The following ELAVL4 variants were observed in gnomAD, a reference collection of about 807,000 sequenced individuals.
ELAVL4 encodes ELAV like RNA binding protein 4.
ELAVL4 carries 1 observed loss-of-function variant against 35.6 expected under a neutral mutation model. The ratio of observed to expected loss-of-function variants is 0.03; its 90% CI spans 0.01 to 0.13. ELAVL4 has a LOEUF of 0.13. Among genes scored for constraint, ELAVL4 ranks in the 10% least tolerant of loss-of-function variants. The pLI is 1.00. For missense variants in ELAVL4, 267 were observed against 464.9 expected, an observed-to-expected ratio of 0.57 and a Z score of 3.91; for synonymous variants, 156 against 171.0, an observed-to-expected ratio of 0.91 and a Z score of 0.69.
At chr1:50,146,007 C>T (rs1169684341) in intron 2 of ELAVL4, among the ~76,000 whole-genome samples, 1 of 152,142 alleles carries the variant, frequency 6.6e-6, no homozygotes, top group Non-Finnish European at 1.5e-5. Flanking sequence ...ATATATTAGG[C>T]TACATAATGA....
intron 1 of ELAVL4, among the ~76,000 whole-genome samples, chr1:50,144,356 T>G (rs1455390244): frequency 6.6e-6 from 1 of 151,648 alleles, no homozygotes; most frequent in African/African-American, 2.4e-5. Context: ...AATAACAGAA[T>G]GGCTAGATTA....
At chr1:50,129,146 G>C (rs1461723130) in intron 1 of ELAVL4, among the ~76,000 whole-genome samples, 2 of 152,044 alleles carry the variant, frequency 1.3e-5, no homozygotes, top group Non-Finnish European at 2.9e-5. Context: ...TAAGGGCTTT[G>C]TAAGAGTCTC....
chr1:50,056,934 A>AT (rs1663709298), intron 1 of ELAVL4, among the ~76,000 whole-genome samples: 1 of 152,044 alleles, frequency 6.6e-6, no homozygotes, highest in Admixed American at 6.5e-5. Context: ...TGTATCAAAA[A>AT]AAAAAAAAAA....
upstream of ELAVL4, among the ~76,000 whole-genome samples, chr1:50,107,130 CTG>C (rs1666398211): frequency 6.6e-6 from 1 of 152,186 alleles, no homozygotes. Context: ...CATACCTACT[CTG>C]TGTATATATG....
At chr1:50,149,186 T>A (rs1173747977) in intron 2 of ELAVL4, among the ~76,000 whole-genome samples, 1 of 151,960 alleles carries the variant, frequency 6.6e-6, no homozygotes, top group Non-Finnish European at 1.5e-5. Flanking sequence ...TCACCTGAGG[T>A]CAGGAGTTTA....
At chr1:50,171,925 C>T (rs1323664414) in intron 2 of ELAVL4, among the ~76,000 whole-genome samples, 6 of 152,174 alleles carry the variant, frequency 3.9e-5, no homozygotes, top group Admixed American at 3.9e-4. Context: ...TTTTATCATG[C>T]ACTTTCAGAA....
chr1:50,060,902 A>G (rs549929183), intron 1 of ELAVL4, among the ~76,000 whole-genome samples: 2 of 152,348 alleles, frequency 1.3e-5, no homozygotes, highest in Middle Eastern at 3.4e-3. Context: ...CCCTCATTCA[A>G]GATAATTTTT....
intron 1 of ELAVL4, among the ~76,000 whole-genome samples, chr1:50,133,942 T>C (rs970112873): frequency 6.6e-6 from 1 of 152,162 alleles, no homozygotes; most frequent in African/African-American, 2.4e-5. Context: ...CCATTGACCT[T>C]ACACAATTTC....
chr1:50,095,309 G>A (rs1229201551), intron 1 of ELAVL4, among the ~76,000 whole-genome samples: 1 of 152,044 alleles, frequency 6.6e-6, no homozygotes, highest in African/African-American at 2.4e-5. Flanking sequence ...CGTGGGTGTG[G>A]GGTAGGCATT....
intron 3 of ELAVL4, among the ~76,000 whole-genome samples, chr1:50,185,794 C>T (rs905987364): frequency 6.6e-6 from 1 of 152,094 alleles, no homozygotes; most frequent in Non-Finnish European, 1.5e-5. Flanking sequence ...CTGAATTTTA[C>T]TAAGATTCGG....
chr1:50,175,853 A>G (rs946231391), intron 2 of ELAVL4: 23 of 152,260 alleles, frequency 1.5e-4, no homozygotes, highest in African/African-American at 5.5e-4. Flanking sequence ...TTTTTGCTGT[A>G]TTATCTCCCA....
intron 1 of ELAVL4, among the ~76,000 whole-genome samples, chr1:50,057,046 A>AGTC (rs1199179921): frequency 6.6e-6 from 1 of 152,164 alleles, no homozygotes; most frequent in African/African-American, 2.4e-5. Context: ...GGGAGGTGAC[A>AGTC]GGTCCATGTT....
At chr1:50,109,626 T>C (rs1216165492) in intron 1 of ELAVL4, 1 of 422,684 alleles carries the variant, frequency 2.4e-6, no homozygotes, top group Non-Finnish European at 4.3e-6. Context: ...GCTGGAAATT[T>C]AAACCTCGAG....
At chr1:50,068,101 A>G (rs1191637247) in intron 1 of ELAVL4, among the ~76,000 whole-genome samples, 1 of 152,174 alleles carries the variant, frequency 6.6e-6, no homozygotes, top group Non-Finnish European at 1.5e-5. Flanking sequence ...AACAGACAAA[A>G]TAATGCAGTT....
intron 5 of ELAVL4, among the ~76,000 whole-genome samples, chr1:50,196,388 T>G (rs1189152841): frequency 6.6e-6 from 1 of 152,228 alleles, no homozygotes; most frequent in Non-Finnish European, 1.5e-5. Context: ...GGCATTGCCC[T>G]TCTCCTGGGA....
upstream of ELAVL4, among the ~76,000 whole-genome samples, chr1:50,099,560 C>CAAAAAAAAAAAAA (rs750905424): frequency 1.2e-4 from 7 of 56,272 alleles, no homozygotes; most frequent in East Asian, 5.2e-4. Flanking sequence ...AACTCCGCCT[C>CAAAAAAAAAAAAA]AAAAAAAAAA....
At chr1:50,138,994 TA>T (rs1672363273) in intron 1 of ELAVL4, among the ~76,000 whole-genome samples, 1 of 152,200 alleles carries the variant, frequency 6.6e-6, no homozygotes, top group Non-Finnish European at 1.5e-5. Context: ...TTGCTATGTG[TA>T]TTTTACCACA....
intron 2 of ELAVL4, among the ~76,000 whole-genome samples, chr1:50,172,914 C>T (rs1679278711): frequency 6.6e-6 from 1 of 152,138 alleles, no homozygotes; most frequent in East Asian, 1.9e-4. Flanking sequence ...GAGAACCTAC[C>T]CAGGACATTT....
At chr1:50,117,635 C>T (rs1668188720) in intron 1 of ELAVL4, among the ~76,000 whole-genome samples, 1 of 152,102 alleles carries the variant, frequency 6.6e-6, no homozygotes, top group Non-Finnish European at 1.5e-5. Context: ...AGATGAGAAA[C>T]AGTATTTGAA....
Sources: gnomAD v4.1 joint callset for allele counts (sites outside exome capture counted in the v4.1 genomes callset) on GRCh38, gnomAD v4.1.1 for gene constraint, MANE v1.5 for transcripts, NCBI Gene and HGNC (gene_info 2026-07-23, HGNC 2026-07-21) for gene names.